Variants in TMEM68 observed in about 807,000 individuals in gnomAD.
TMEM68 encodes the protein transmembrane protein 68.
In TMEM68, 25 loss-of-function variants were observed where a neutral mutation model predicts 36.9. The ratio of observed to expected loss-of-function variants is 0.68; its 90% CI spans 0.49 to 0.95. The LOEUF is 0.95. Among genes scored for constraint, TMEM68 ranks in the 40% least tolerant of loss-of-function variants. TMEM68 has a pLI of 0.00. For missense variants in TMEM68, 333 were observed against 392.0 expected (o/e 0.85, Z 1.27); for synonymous variants, 131 against 124.4 (o/e 1.05, Z -0.35).
chr8:55,766,016 A>G (rs1039754507), intron 1 of TMEM68, among the ~76,000 whole-genome samples: 1 of 152,248 alleles, frequency 6.6e-6, no homozygotes, highest in Non-Finnish European at 1.5e-5. Context: ...GAAGATAGAC[A>G]GTAAACAAAG....
chr8:55,769,018 T>TAAAAAAAAAAAAAAAAAAAAAAAA, intron 1 of TMEM68, among the ~76,000 whole-genome samples: 1 of 82,094 alleles, frequency 1.2e-5, no homozygotes, highest in East Asian at 3.5e-4. Context: ...ACTCTGTCTT[T>TAAAAAAAAAAAAAAAAAAAAAAAA]AAAAAAAAAA....
chr8:55,751,911 A>C (rs929669613), intron 4 of TMEM68, among the ~76,000 whole-genome samples: 15 of 152,164 alleles, frequency 9.9e-5, no homozygotes, highest in African/African-American at 3.6e-4. Flanking sequence ...ATTTGATGTT[A>C]AAAACTACGC....
Position 55,751,141 on chromosome 8 carries a change from C to T in TMEM68, c.510G>A (p.Leu170=), listed in dbSNP as rs566753187. ...GTCCATGTAGAGCACAAAACACATC[C>T]AGTAATAAACTAAACCCTGTAAGAA... ...VFKIPGFSLL[L]DVFCALHGPR... The change falls in exon 5 of 8, where the codon CTG becomes CTA. Residue 170 remains leucine (L), a synonymous_variant. Transcript: ENST00000434581. The T allele has an allele frequency of 1.9e-6, 3 of 1,604,292 alleles. No homozygotes were observed. In the Admixed American group the frequency reaches 5.3e-5, roughly 28 times the overall value.
intron 6 of TMEM68, 22 bp downstream of exon 6, chr8:55,745,039 A>T: frequency 6.9e-7 from 1 of 1,440,168 alleles, no homozygotes; most frequent in Non-Finnish European, 9.2e-7. Context: ...TGTAATTTAA[A>T]ACCATACAAA....
rs1810834360 is a variant in TMEM68 at position 55,762,699 on chromosome 8, A to C, written c.261T>G (p.Asn87Lys). The C allele has an allele frequency of 6.2e-7, 1 of 1,614,212 alleles. No individual in the cohort carries two copies. The highest frequency in any genetic ancestry group is 8.5e-7 in the Non-Finnish European group (1 of 1,180,024). Residue 87 changes from asparagine to lysine, a missense_variant, in exon 3 of 8, where the codon AAT becomes AAG. Coordinates refer to ENST00000434581, the MANE Select transcript of TMEM68 (RefSeq NM_001286657.2). Reference protein sequence around the residue: ...KNVLKEAYSHNLWDGARKTVA... With the variant: ...KNVLKEAYSHKLWDGARKTVA... ...CTGTTTTCCTTGCACCATCCCATAAATTATGAGAGTAGGCTTCTTTCAATA... is the reference window on the plus strand; with the variant it reads ...CTGTTTTCCTTGCACCATCCCATAACTTATGAGAGTAGGCTTCTTTCAATA...
At chr8:55,748,670 G>A (rs572306897) in intron 5 of TMEM68, among the ~76,000 whole-genome samples, 3 of 148,784 alleles carry the variant, frequency 2.0e-5, no homozygotes, top group South Asian at 2.1e-4. Flanking sequence ...ACAATGGTGC[G>A]ATCTCGGCTC....
intron 1 of TMEM68, among the ~76,000 whole-genome samples, chr8:55,772,104 C>T (rs1231027990): frequency 1.3e-5 from 2 of 152,128 alleles, no homozygotes; most frequent in African/African-American, 2.4e-5. Flanking sequence ...TATCTGTAAC[C>T]GTGCAGCACT....
chr8:55,756,150 C>A, intron 4 of TMEM68, 94 bp downstream of exon 4: 1 of 1,131,106 alleles, frequency 8.8e-7, no homozygotes, highest in Middle Eastern at 2.2e-4. Flanking sequence ...AAAGCTTTTT[C>A]AAATGACGTT....
rs748081179 is a variant in TMEM68 at position 55,762,885 on chromosome 8, G to C, written c.75C>G (p.Leu25=). 1.9e-6 allele frequency: 3 copies of C among 1,613,984 alleles called. No homozygotes were observed. The highest frequency in any genetic ancestry group is 2.7e-5 in the African/African-American group (2 of 74,918). The part of the protein sequence containing the change: ...VPYMICLIHI[L]EEWFGVEQLE... The stretch of plus-strand genomic sequence containing the variant: ...ACTGCTCCACACCAAACCATTCTTC[G>C]AGTATGTGAATCAGACAAATCATAT... The change falls in exon 3 of 8, where the codon CTC becomes CTG. Residue 25 remains leucine, a synonymous_variant. Transcript: ENST00000434581.
chr8:55,741,632 C>T (rs973607328), intron 7 of TMEM68, among the ~76,000 whole-genome samples: 3 of 152,082 alleles, frequency 2.0e-5, no homozygotes, highest in African/African-American at 7.2e-5. Flanking sequence ...GGGGAGGACA[C>T]ATGAACAGGG....
intron 5 of TMEM68, among the ~76,000 whole-genome samples, chr8:55,749,559 G>A (rs976949480): frequency 3.9e-5 from 6 of 152,152 alleles, no homozygotes; most frequent in African/African-American, 1.4e-4. Flanking sequence ...GTGCAATGTA[G>A]TCAGGAATGG....
At chr8:55,755,869 G>A (rs1394049856) in intron 4 of TMEM68, among the ~76,000 whole-genome samples, 2 of 151,600 alleles carry the variant, frequency 1.3e-5, no homozygotes, top group Non-Finnish European at 2.9e-5. Flanking sequence ...CACAATATAT[G>A]CATATAAGAA....
At chr8:55,759,878 TGTA>T (rs1245762214) in intron 3 of TMEM68, among the ~76,000 whole-genome samples, 13 of 152,238 alleles carry the variant, frequency 8.5e-5, no homozygotes, top group African/African-American at 3.1e-4. Context: ...ATCTCTGTCC[TGTA>T]GAAGCGAGAT....
Position 55,740,150 on chromosome 8 carries a change from C to A in TMEM68, c.957G>T (p.Leu319Phe). 6.2e-7 allele frequency: 1 copy of A among 1,613,142 alleles called. No individual in the cohort carries two copies. Among genetic ancestry groups the A allele is most frequent in the Non-Finnish European group, 8.5e-7 (1 of 1,179,738 alleles). Residue 319 changes from leucine (L) to phenylalanine (F), a missense_variant, in exon 8 of 8, where the codon TTG (leucine) becomes TTT (phenylalanine). Physicochemically the swap from Leu to Phe is conservative, Grantham distance 22. Transcript: ENST00000434581. ...TTTGTTATCAATGAAAACGTTCTAA[C>A]AAAGCACTCATAATGTTTCCTGGTA... ...QRIPGNIMSALLERFH is the reference protein window; with the variant it reads ...QRIPGNIMSAFLERFH
chr8:55,745,112 G>T lies in TMEM68; in HGVS notation c.697C>A (p.Pro233Thr). Residue 233 changes from proline to threonine, a missense_variant, in exon 6 of 8, where the codon CCT becomes ACT. Pro to Thr is a conservative substitution (Grantham distance 38). Transcript: ENST00000434581. Reference sequence around the variant, plus strand: ...TCTCGAATATTTTGTGTAAACATAGGAATAATGGGCTAAAGAAAAGGAGAA... The same window carrying T: ...TCTCGAATATTTTGTGTAAACATAGTAATAATGGGCTAAAGAAAAGGAGAA... ...VAIDAKVPIIPMFTQNIREGF... is the reference protein window; with the variant it reads ...VAIDAKVPIITMFTQNIREGF... 6.7e-7 allele frequency: 1 copy of T among 1,489,180 alleles called. No homozygotes were observed. The highest frequency in any genetic ancestry group is 1.3e-5 in the South Asian group (1 of 76,760). 92.2% of individuals were successfully genotyped at this position (1,489,180 alleles called of 1,614,324 possible). A position where few individuals can be genotyped will look rare whatever the true frequency, so the allele number is the denominator to read the frequency against.
At chr8:55,767,507 T>G (rs1206318214) in intron 1 of TMEM68, among the ~76,000 whole-genome samples, 1 of 152,146 alleles carries the variant, frequency 6.6e-6, no homozygotes, top group African/African-American at 2.4e-5. Flanking sequence ...ACATCAGCAG[T>G]TTAGCAGGAA....
chr8:55,754,745 TATTA>T (rs1320379168), intron 4 of TMEM68, among the ~76,000 whole-genome samples: 1 of 126,474 alleles, frequency 7.9e-6, no homozygotes, highest in Non-Finnish European at 1.6e-5. Flanking sequence ...CTTATATATA[TATTA>T]TATATAAAAT....
chr8:55,769,443 T>G (rs2130047004), intron 1 of TMEM68, among the ~76,000 whole-genome samples: 1 of 152,138 alleles, frequency 6.6e-6, no homozygotes, highest in Admixed American at 6.5e-5. Flanking sequence ...AGCTCTGTCC[T>G]TGACTAGGCC....
Position 55,745,103 on chromosome 8 carries a change from T to C in TMEM68, c.706A>G (p.Thr236Ala). 6.7e-7 allele frequency: 1 copy of C among 1,498,592 alleles called. No individual in the cohort carries two copies. Among genetic ancestry groups the C allele is most frequent in the Non-Finnish European group, 8.9e-7 (1 of 1,127,898 alleles). 92.8% of individuals were successfully genotyped at this position (1,498,592 alleles called of 1,614,324 possible). A position where few individuals can be genotyped will look rare whatever the true frequency, so the allele number is the denominator to read the frequency against. ...CTAAATCCTTCTCGAATATTTTGTG[T>C]AAACATAGGAATAATGGGCTAAAGA... ...DAKVPIIPMF[T>A]QNIREGFRSL... Residue 236 changes from threonine to alanine, a missense_variant, in exon 6 of 8, where the codon ACA (threonine) becomes GCA (alanine). By Grantham distance (58) the Thr-to-Ala change is moderately conservative. Coordinates refer to ENST00000434581, the MANE Select transcript of TMEM68 (RefSeq NM_001286657.2).
Sources: gnomAD v4.1 joint callset for allele counts (sites outside exome capture counted in the v4.1 genomes callset) on GRCh38, gnomAD v4.1.1 for gene constraint, MANE v1.5 for transcripts, NCBI Gene and HGNC (gene_info 2026-07-23, HGNC 2026-07-21) for gene names.